CACNA2D3: variants seen among roughly 807,000 people sequenced by gnomAD.
The protein encoded by CACNA2D3 is voltage-dependent calcium channel subunit alpha-2/delta-3.
Under a neutral mutation model 160.6 loss-of-function variants are expected in CACNA2D3, and 60 were observed. The observed-to-expected ratio is 0.37, with a 90% confidence interval of 0.30 to 0.46. The LOEUF (loss-of-function observed/expected upper bound fraction) is 0.46, where lower values mean the gene tolerates loss of function less well. CACNA2D3 is among the 20% of genes least tolerant of loss of function. The pLI is 1.00. For synonymous variants in CACNA2D3, 558 were observed against 492.9 expected, an observed-to-expected ratio of 1.13 and a Z score of -1.75; for missense variants, 1,205 against 1,365.0, an observed-to-expected ratio of 0.88 and a Z score of 1.85.
intron 9 of CACNA2D3, among the ~76,000 whole-genome samples, chr3:54,597,974 C>A (rs763350567): frequency 3.3e-5 from 5 of 151,960 alleles, no homozygotes; most frequent in Non-Finnish European, 7.4e-5. Flanking sequence ...GCTGCCCTTT[C>A]CCATCCATAG....
chr3:54,146,276 T>C (rs1700028629), intron 2 of CACNA2D3, among the ~76,000 whole-genome samples: 1 of 152,202 alleles, frequency 6.6e-6, no homozygotes, highest in Non-Finnish European at 1.5e-5. Flanking sequence ...GTTGGCTAAC[T>C]TCCTTCCAGT....
intron 17 of CACNA2D3, among the ~76,000 whole-genome samples, chr3:54,870,149 G>A (rs1290704790): frequency 6.6e-6 from 1 of 152,120 alleles, no homozygotes; most frequent in Non-Finnish European, 1.5e-5. Flanking sequence ...TGGACACTTG[G>A]CCCTGTTTGG....
chr3:54,170,402 C>T (rs570247933), intron 2 of CACNA2D3, among the ~76,000 whole-genome samples: 11 of 152,042 alleles, frequency 7.2e-5, no homozygotes, highest in Admixed American at 2.0e-4. Flanking sequence ...ACTGAGTAAA[C>T]GTCAAAATAT....
intron 4 of CACNA2D3, among the ~76,000 whole-genome samples, chr3:54,458,893 G>A (rs1029973074): frequency 6.6e-6 from 1 of 151,812 alleles, no homozygotes; most frequent in Non-Finnish European, 1.5e-5. Flanking sequence ...TTTAGCATTA[G>A]GTATATCTCC....
chr3:54,765,497 A>G (rs1464686622), intron 13 of CACNA2D3, among the ~76,000 whole-genome samples: 2 of 152,206 alleles, frequency 1.3e-5, no homozygotes, highest in Non-Finnish European at 2.9e-5. Flanking sequence ...AATCATGGAA[A>G]CAAAATAAGC....
chr3:54,840,283 C>T (rs375435509), intron 16 of CACNA2D3, among the ~76,000 whole-genome samples: 3 of 151,988 alleles, frequency 2.0e-5, no homozygotes, highest in African/African-American at 7.3e-5. Flanking sequence ...CTCTTTATGG[C>T]ATTATCTCGC....
At chr3:54,658,033 AAG>A (rs1230504769) in intron 11 of CACNA2D3, among the ~76,000 whole-genome samples, 1 of 152,108 alleles carries the variant, frequency 6.6e-6, no homozygotes, top group East Asian at 1.9e-4. Context: ...AAAAAGAAAA[AAG>A]AAATTATATT....
intron 5 of CACNA2D3, among the ~76,000 whole-genome samples, chr3:54,505,082 A>C (rs1034456357): frequency 6.6e-6 from 1 of 152,194 alleles, no homozygotes; most frequent in African/African-American, 2.4e-5. Context: ...CGCGTGTTGG[A>C]TATTAGGTAT....
At chr3:54,971,897 A>G (rs1702281554) in intron 29 of CACNA2D3, among the ~76,000 whole-genome samples, 1 of 152,250 alleles carries the variant, frequency 6.6e-6, no homozygotes, top group African/African-American at 2.4e-5. Flanking sequence ...GGGGATAGAA[A>G]TATCCACCTC....
chr3:54,206,323 G>A (rs370799070), intron 2 of CACNA2D3, among the ~76,000 whole-genome samples: 61 of 152,254 alleles, frequency 4.0e-4, no homozygotes, highest in African/African-American at 1.4e-3. Flanking sequence ...CTGTATGCTC[G>A]GGGATGAGGT....
chr3:54,290,568 C>G (rs980585607), intron 2 of CACNA2D3, among the ~76,000 whole-genome samples: 1 of 150,774 alleles, frequency 6.6e-6, no homozygotes, highest in Non-Finnish European at 1.5e-5. Context: ...GGTATATACC[C>G]AAAGGACTAT....
At chr3:54,661,382 C>T (rs571177386) in intron 11 of CACNA2D3, among the ~76,000 whole-genome samples, 3 of 152,106 alleles carry the variant, frequency 2.0e-5, no homozygotes, top group African/African-American at 7.2e-5. Context: ...CAAAAACTAA[C>T]GGTTTTAGAA....
chr3:54,451,227 A>ATTTTT, intron 4 of CACNA2D3, among the ~76,000 whole-genome samples: 4 of 70,458 alleles, frequency 5.7e-5, no homozygotes, highest in African/African-American at 6.0e-5. Flanking sequence ...TGATATAATA[A>ATTTTT]TCTTTTTTTT....
chr3:55,033,211 T>C (rs1389084023), intron 35 of CACNA2D3, among the ~76,000 whole-genome samples: 1 of 152,156 alleles, frequency 6.6e-6, no homozygotes, highest in Admixed American at 6.6e-5. Flanking sequence ...TACGAATCTT[T>C]CTTCACATCA....
At chr3:55,059,188 TCTA>T (rs1704439607) in intron 35 of CACNA2D3, among the ~76,000 whole-genome samples, 1 of 152,218 alleles carries the variant, frequency 6.6e-6, no homozygotes, top group South Asian at 2.1e-4. Flanking sequence ...CTGAGGCTAT[TCTA>T]TTTTGCTAAA....
intron 3 of CACNA2D3, among the ~76,000 whole-genome samples, chr3:54,373,660 C>T (rs1351575725): frequency 6.6e-6 from 1 of 152,158 alleles, no homozygotes; most frequent in African/African-American, 2.4e-5. Flanking sequence ...TCTGTAACCC[C>T]TTCAGGAAAT....
chr3:54,581,218 G>A (rs547953584), intron 8 of CACNA2D3, among the ~76,000 whole-genome samples: 1 of 152,314 alleles, frequency 6.6e-6, no homozygotes, highest in East Asian at 1.9e-4. Context: ...CAAATAAAAA[G>A]TGTGGGGGGG....
intron 35 of CACNA2D3, among the ~76,000 whole-genome samples, chr3:55,059,975 T>C (rs190484263): frequency 6.6e-6 from 1 of 152,050 alleles, no homozygotes; most frequent in African/African-American, 2.4e-5. Context: ...AGGTTTGGGG[T>C]TTATATGGGT....
At chr3:55,029,983 C>T (rs182537793) in intron 35 of CACNA2D3, among the ~76,000 whole-genome samples, 5 of 152,242 alleles carry the variant, frequency 3.3e-5, no homozygotes, top group African/African-American at 9.6e-5. Flanking sequence ...AATTTCTAAA[C>T]GAGTCAGCTT....
Sources: allele counts gnomAD v4.1 joint callset (sites outside exome capture counted in the v4.1 genomes callset), GRCh38; gene constraint gnomAD v4.1.1; transcripts MANE v1.5; gene names NCBI Gene and HGNC (gene_info 2026-07-23, HGNC 2026-07-21).